The following LRRIQ1 variants were observed in gnomAD, a reference collection of about 807,000 sequenced individuals.
LRRIQ1 encodes the protein leucine rich repeats and IQ motif containing 1, also known as leucine-rich repeat- and IQ domain-containing protein 1.
In LRRIQ1, 210 loss-of-function variants were observed where a neutral mutation model predicts 211.9. The observed-to-expected ratio is 0.99, with a 90% confidence interval of 0.89 to 1.11. LRRIQ1 has a LOEUF of 1.11. Among genes scored for constraint, LRRIQ1 ranks in the 50% most tolerant of loss-of-function variants. LRRIQ1 has a pLI of 0.00. For synonymous variants in LRRIQ1, 699 were observed against 650.1 expected (o/e 1.08, Z -1.14); for missense variants, 2,136 against 1,939.5 (o/e 1.10, Z -1.90).
intron 19 of LRRIQ1, among the ~76,000 whole-genome samples, chr12:85,149,267 G>A (rs1890087874): frequency 6.6e-6 from 1 of 151,888 alleles, no homozygotes; most frequent in Non-Finnish European, 1.5e-5. Context: ...TTTCTTCTAG[G>A]GTTTTTATGA....
chr12:85,144,567 G>A (rs1417985825), intron 19 of LRRIQ1, among the ~76,000 whole-genome samples: 1 of 151,410 alleles, frequency 6.6e-6, no homozygotes, highest in Non-Finnish European at 1.5e-5. Flanking sequence ...TAAGTGTCAG[G>A]CAAGTATGTA....
At chr12:85,181,092 A>T (rs1891957994) in intron 24 of LRRIQ1, among the ~76,000 whole-genome samples, 1 of 38,186 alleles carries the variant, frequency 2.6e-5, no homozygotes, top group Non-Finnish European at 4.8e-5. Flanking sequence ...TTAACCTACC[A>T]CCCCCAGTAT....
At chr12:85,135,727 C>A (rs1026475965) in intron 18 of LRRIQ1, among the ~76,000 whole-genome samples, 4 of 78,916 alleles carry the variant, frequency 5.1e-5, no homozygotes, top group African/African-American at 9.8e-5. Context: ...GTAGTCTCAT[C>A]AAGTTCAATT....
intron 24 of LRRIQ1, among the ~76,000 whole-genome samples, chr12:85,192,022 A>G (rs1017371508): frequency 2.0e-5 from 3 of 151,836 alleles, no homozygotes; most frequent in African/African-American, 7.3e-5. Context: ...ATTCATGGGT[A>G]TACATGCAGA....
chr12:85,251,946 A>T (rs1234217668), intron 1 of LRRIQ1, among the ~76,000 whole-genome samples: 1 of 151,920 alleles, frequency 6.6e-6, no homozygotes, highest in Non-Finnish European at 1.5e-5. Flanking sequence ...CTTGAAACTC[A>T]AACTTTTCTC....
chr12:85,238,882 T>G (rs910959357), intron 26 of LRRIQ1, among the ~76,000 whole-genome samples: 1 of 152,052 alleles, frequency 6.6e-6, no homozygotes, highest in African/African-American at 2.4e-5. Context: ...TAAGAAATCC[T>G]CACAAACAGT....
chr12:85,182,189 C>T (rs1242764683), intron 24 of LRRIQ1, among the ~76,000 whole-genome samples: 3 of 151,740 alleles, frequency 2.0e-5, no homozygotes, highest in Non-Finnish European at 2.9e-5. Context: ...GAAGGAAAAC[C>T]GTTTCTGTTT....
At chr12:85,093,845 C>T (rs1460909651) in intron 11 of LRRIQ1, among the ~76,000 whole-genome samples, 3 of 152,114 alleles carry the variant, frequency 2.0e-5, no homozygotes, top group East Asian at 1.9e-4. Context: ...CTCCTTTCTC[C>T]GAGCTGCTGC....
chr12:85,191,181 G>A (rs2136938351), intron 24 of LRRIQ1, among the ~76,000 whole-genome samples: 1 of 151,934 alleles, frequency 6.6e-6, no homozygotes, highest in African/African-American at 2.4e-5. Flanking sequence ...ATCACCCAAA[G>A]TCCATAGTTT....
chr12:85,197,358 G>A (rs1454160286), intron 24 of LRRIQ1, among the ~76,000 whole-genome samples: 2 of 151,764 alleles, frequency 1.3e-5, no homozygotes, highest in Non-Finnish European at 2.9e-5. Flanking sequence ...AAATCATGCT[G>A]CTATAAAGAC....
chr12:85,052,853 T>C (rs1880496726), intron 7 of LRRIQ1, among the ~76,000 whole-genome samples: 1 of 152,058 alleles, frequency 6.6e-6, no homozygotes, highest in Non-Finnish European at 1.5e-5. Context: ...GTCATATGAA[T>C]GACAAGTGAC....
the LRRIQ1 span, among the ~76,000 whole-genome samples, chr12:85,270,688 A>G: frequency 2.0e-5 from 3 of 152,176 alleles, no homozygotes; most frequent in Non-Finnish European, 4.4e-5. Flanking sequence ...TATAACAACA[A>G]CAAACACATA....
intron 11 of LRRIQ1, among the ~76,000 whole-genome samples, chr12:85,083,442 CT>C (rs11311762): frequency 0.56 from 80,825 of 144,274 alleles, 23,157 homozygotes; most frequent in African/African-American, 0.73. Context: ...TTCTAAGTAA[CT>C]TTTTTTTTTT....
chr12:85,067,271 T>C (rs755588884), intron 10 of LRRIQ1, among the ~76,000 whole-genome samples: 1 of 151,856 alleles, frequency 6.6e-6, no homozygotes, highest in Non-Finnish European at 1.5e-5. Context: ...ACCTTTTTCA[T>C]CACCACTCTC....
intron 24 of LRRIQ1, among the ~76,000 whole-genome samples, chr12:85,192,609 T>A (rs1251418335): frequency 2.8e-5 from 3 of 108,524 alleles, no homozygotes; most frequent in African/African-American, 4.1e-5. Flanking sequence ...GTATATATAG[T>A]TATATACTAT....
rs755526748 is a variant in LRRIQ1, at chr12:85,160,599, T to C, written c.4721-14T>C. 35 of 1,514,722 alleles carry C rather than the reference T, an allele frequency of 2.3e-5. No homozygotes were observed. Among genetic ancestry groups the C allele is most frequent in the Middle Eastern group, 1.7e-4 (1 of 5,874 alleles). The allele number at this position is 1,514,722 out of a possible 1,614,324, so 93.8% of individuals were successfully genotyped here. On this transcript the variant is annotated splice_polypyrimidine_tract_variant and intron_variant, in intron 23 of 26. Coordinates refer to ENST00000393217, the MANE Select transcript of LRRIQ1 (RefSeq NM_001079910.2). ...AAAGATGAACTCTGCTCCTTTCTTA[T>C]TCGTTTTGTTTAGATTCCACTGTGC...
chr12:85,051,373 A>G (rs569876735), intron 6 of LRRIQ1, among the ~76,000 whole-genome samples: 2 of 152,312 alleles, frequency 1.3e-5, no homozygotes, highest in East Asian at 3.9e-4. Flanking sequence ...GTTCCTTTAC[A>G]GCAACACACT....
At chr12:85,082,393 C>T (rs1884391780) in intron 11 of LRRIQ1, among the ~76,000 whole-genome samples, 1 of 152,132 alleles carries the variant, frequency 6.6e-6, no homozygotes, top group Admixed American at 6.5e-5. Flanking sequence ...GTTTTTGATT[C>T]ATCCTGTCGG....
In LRRIQ1 at chr12:85,124,518, A is replaced by G; in HGVS notation, c.4006A>G (p.Ile1336Val). 1 of 1,597,546 alleles carries G rather than the reference A, an allele frequency of 6.3e-7. No homozygotes were observed. ...NHQNIEPSEKIMAAVVIQSYW... is the reference protein window; with the variant it reads ...NHQNIEPSEKVMAAVVIQSYW... ...CCAAAATATTGAGCCTAGTGAAAAA[A>G]TGTAAGATATATAAATAATGTTTCT... Residue 1336 changes from isoleucine (I) to valine (V), a missense_variant and splice_region_variant, in exon 17 of 27, where the codon ATT becomes GTT. Coordinates refer to ENST00000393217, the MANE Select transcript of LRRIQ1 (RefSeq NM_001079910.2).
Sources: gnomAD v4.1 joint callset for allele counts (sites outside exome capture counted in the v4.1 genomes callset) on GRCh38, gnomAD v4.1.1 for gene constraint, MANE v1.5 for transcripts, NCBI Gene and HGNC (gene_info 2026-07-23, HGNC 2026-07-21) for gene names.